CUX1: variants seen among roughly 807,000 people sequenced by gnomAD.
The protein encoded by CUX1 is protein CASP.
Under a neutral mutation model 158.8 loss-of-function variants are expected in CUX1, and 31 were observed. The observed-to-expected ratio is 0.20, with a 90% CI of 0.15 to 0.26. The LOEUF (loss-of-function observed/expected upper bound fraction) is 0.26, where lower values mean the gene tolerates loss of function less well. CUX1 is among the 10% of genes least tolerant of loss of function. CUX1 has a pLI of 1.00. For synonymous variants in CUX1, 879 were observed against 862.1 expected, an observed-to-expected ratio of 1.02 and a Z score of -0.34; for missense variants, 1,589 against 2,014.6, an observed-to-expected ratio of 0.79 and a Z score of 4.04.
intron 3 of CUX1, among the ~76,000 whole-genome samples, chr7:102,030,372 C>A (rs561355335): frequency 7.7e-4 from 117 of 152,178 alleles, no homozygotes; most frequent in African/African-American, 2.6e-3. Context: ...GTACCTCCCC[C>A]CTCCCCTCCC....
At chr7:101,950,590 G>A (rs960204221) in intron 2 of CUX1, among the ~76,000 whole-genome samples, 1 of 152,074 alleles carries the variant, frequency 6.6e-6, no homozygotes, top group African/African-American at 2.4e-5. Flanking sequence ...AAGTTTTATT[G>A]GCACTCAGCC....
chr7:102,199,832 TG>T (rs1554519171), intron 16 of CUX1, among the ~76,000 whole-genome samples: 1 of 152,156 alleles, frequency 6.6e-6, no homozygotes, highest in African/African-American at 2.4e-5. Context: ...AACCCACGGG[TG>T]GTGTCCGGCT....
At chr7:102,140,983 T>C (rs1416030175) in intron 8 of CUX1, among the ~76,000 whole-genome samples, 5 of 152,136 alleles carry the variant, frequency 3.3e-5, no homozygotes, top group African/African-American at 1.2e-4. Flanking sequence ...ATTGTGAACT[T>C]CCTTTGTGGT....
chr7:102,058,646 AT>A (rs1377618685), intron 3 of CUX1, among the ~76,000 whole-genome samples: 1 of 152,172 alleles, frequency 6.6e-6, no homozygotes, highest in African/African-American at 2.4e-5. Flanking sequence ...ATACCCGTAT[AT>A]TGATCTTGCA....
At chr7:101,921,104 G>A (rs1804861284) in intron 2 of CUX1, among the ~76,000 whole-genome samples, 2 of 151,954 alleles carry the variant, frequency 1.3e-5, no homozygotes, top group East Asian at 3.9e-4. Context: ...GATTACAGGT[G>A]TGAGCCACTG....
intron 8 of CUX1, among the ~76,000 whole-genome samples, chr7:102,139,702 A>G (rs1266095909): frequency 3.9e-5 from 6 of 152,230 alleles, no homozygotes; most frequent in Admixed American, 2.6e-4. Context: ...CCCAGGCTAT[A>G]GTGCAATGGC....
Position 101,857,213 on chromosome 7 carries a change from G to A in CUX1, c.30+39544G>A, listed in dbSNP as rs561716614. ...CAGGCCTCTGCTTATCTGATTGGGGGCTGTGCTTGACTCTGAAACCCGGGC... is the reference window on the plus strand; with the variant it reads ...CAGGCCTCTGCTTATCTGATTGGGGACTGTGCTTGACTCTGAAACCCGGGC... On this transcript the variant is annotated intron_variant, in intron 1 of 23. Coordinates refer to ENST00000292535, the MANE Select transcript of CUX1 (RefSeq NM_181552.4). Among the ~76,000 whole-genome samples the A allele has an allele frequency of 3.9e-5, 6 of 152,342 alleles. No homozygotes were observed. The East Asian group carries it at 1.2e-3, about 29-fold the overall frequency.
intron 7 of CUX1, among the ~76,000 whole-genome samples, chr7:102,113,904 CTTGTCAAAAATTATTGA>C (rs1831195480): frequency 6.6e-6 from 1 of 152,134 alleles, no homozygotes; most frequent in Admixed American, 6.6e-5. Flanking sequence ...CTGACAAAGA[CTTGTCAAAAATTATTGA>C]AACATCCAGT....
chr7:102,252,605 A>G lies in CUX1; in HGVS notation c.*3563A>G. On this transcript the variant is annotated 3_prime_UTR_variant, in exon 24 of 24. Coordinates refer to ENST00000292535, the MANE Select transcript of CUX1 (RefSeq NM_181552.4). ...GGCTCGGGGTAAAATCAGTGTTTGC[A>G]TTTAGCCTCTTGACCCGGAGTTCCG... 1 of 985,394 alleles carries G rather than the reference A, an allele frequency of 1.0e-6. No individual in the cohort carries two copies. Among genetic ancestry groups the G allele is most frequent in the Non-Finnish European group, 1.2e-6 (1 of 829,926 alleles). The allele number at this position is 985,394 out of a possible 1,614,324, so 61.0% of individuals were successfully genotyped here. A position where few individuals can be genotyped will look rare whatever the true frequency, so the allele number is the denominator to read the frequency against.
In CUX1 at chr7:102,248,454, C is replaced by T. The variant is rs1554537761; in HGVS notation, c.3930C>T (p.Ala1310=). 1.9e-6 allele frequency: 3 copies of T among 1,598,840 alleles called. No individual in the cohort carries two copies. Among genetic ancestry groups the T allele is most frequent in the Non-Finnish European group, 2.6e-6 (3 of 1,176,190 alleles). ...RRELFIEEIQ[A]GSQGQAGASD... ...AACTGTTCATTGAGGAAATTCAGGC[C>T]GGGAGTCAGGGCCAGGCGGGCGCCA... The change falls in exon 24 of 24, where the codon GCC becomes GCT. Residue 1310 remains alanine, a synonymous_variant. Transcript: ENST00000292535. This position sits in a 1 kb window ranked among gnomAD's most constrained non-coding sequence, Gnocchi z 5.8.
chr7:102,277,933 GCCCCTCC>G, intron 17 of CUX1: 1 of 799,650 alleles, frequency 1.3e-6, no homozygotes, highest in Non-Finnish European at 1.8e-6. Context: ...CCCTTTCCTT[GCCCCTCC>G]CCCCCCAGGA....
intron 11 of CUX1, among the ~76,000 whole-genome samples, chr7:102,179,885 G>A (rs1243057317): frequency 2.6e-5 from 4 of 152,218 alleles, no homozygotes; most frequent in Admixed American, 6.5e-5. Flanking sequence ...TTGGGTGGGT[G>A]AGGGAATGAG....
intron 2 of CUX1, among the ~76,000 whole-genome samples, chr7:101,927,175 C>T (rs953066213): frequency 1.4e-5 from 2 of 145,430 alleles, no homozygotes; most frequent in African/African-American, 5.1e-5. Flanking sequence ...CACACACACA[C>T]ACGGAGGCTT....
chr7:102,065,378 C>G (rs1392999352), intron 3 of CUX1, among the ~76,000 whole-genome samples: 1 of 152,056 alleles, frequency 6.6e-6, no homozygotes, highest in East Asian at 1.9e-4. Context: ...CCATGCCCAG[C>G]TAATTTTTAT....
At chr7:101,878,651 G>A (rs138752932) in intron 1 of CUX1, among the ~76,000 whole-genome samples, 4 of 151,866 alleles carry the variant, frequency 2.6e-5, no homozygotes, top group Admixed American at 6.6e-5. Context: ...AAAAAAAGAC[G>A]CACCAGCGGC....
At chr7:101,927,476 A>G (rs1395486998) in intron 2 of CUX1, among the ~76,000 whole-genome samples, 1 of 152,020 alleles carries the variant, frequency 6.6e-6, no homozygotes, top group Non-Finnish European at 1.5e-5. Flanking sequence ...GGGGCAACAT[A>G]GCGAGACCCC....
exon 22 of CUX1, chr7:102,282,715 C>T: frequency 6.2e-7 from 1 of 1,613,280 alleles, no homozygotes; most frequent in East Asian, 2.2e-5. Flanking sequence ...TGGCCAGGTG[C>T]TCTACAAGCT....
intron 2 of CUX1, among the ~76,000 whole-genome samples, chr7:102,019,446 A>ATCC (rs1819078021): frequency 6.6e-6 from 1 of 152,050 alleles, no homozygotes; most frequent in Non-Finnish European, 1.5e-5. Context: ...GCTGGTCTTG[A>ATCC]ACTCCTGCCC....
chr7:102,070,060 C>G (rs1825958823), intron 3 of CUX1, among the ~76,000 whole-genome samples: 1 of 152,142 alleles, frequency 6.6e-6, no homozygotes, highest in African/African-American at 2.4e-5. Context: ...GACAAAAGAC[C>G]AGGAAGGGCA....
Sources: allele counts gnomAD v4.1 joint callset (sites outside exome capture counted in the v4.1 genomes callset), GRCh38; gene constraint gnomAD v4.1.1; non-coding constraint Gnocchi (gnomAD v3.1); transcripts MANE v1.5; gene names NCBI Gene and HGNC (gene_info 2026-07-23, HGNC 2026-07-21).